The following GCSAML variants were observed in gnomAD, a reference collection of about 807,000 sequenced individuals.
GCSAML encodes the protein germinal center associated signaling and motility like, also known as germinal center-associated signaling and motility-like protein.
A neutral mutation model predicts 13.0 loss-of-function variants in GCSAML; 9 were observed. The observed-to-expected ratio is 0.69, with a 90% CI of 0.42 to 1.21. The LOEUF (loss-of-function observed/expected upper bound fraction) is 1.21. GCSAML is among the 50% of genes most tolerant of loss of function. The pLI is 0.00. For synonymous variants in GCSAML, 37 were observed against 52.9 expected (o/e 0.70, Z 1.31); for missense variants, 143 against 153.4 (o/e 0.93, Z 0.36).
chr1:247,524,243 C>G (rs1666565515), intron 1 of GCSAML, among the ~76,000 whole-genome samples: 1 of 151,568 alleles, frequency 6.6e-6, no homozygotes, highest in Admixed American at 6.6e-5. Context: ...TGAGGGATCT[C>G]TCAGACCTCA....
intron 1 of GCSAML, among the ~76,000 whole-genome samples, chr1:247,553,088 A>C (rs1667834971): frequency 6.6e-6 from 1 of 152,184 alleles, no homozygotes; most frequent in Admixed American, 6.5e-5. Flanking sequence ...CAATCAAAAC[A>C]ATTATTTATA....
At chr1:247,533,775 A>G (rs1667107490) in intron 2 of GCSAML, 1 of 152,198 alleles carries the variant, frequency 6.6e-6, no homozygotes, top group South Asian at 2.1e-4. Flanking sequence ...GTTATGTAAA[A>G]CTATGATCAA....
chr1:247,566,105 T>C, intron 4 of GCSAML, 146 bp downstream of exon 4: 1 of 584,652 alleles, frequency 1.7e-6, no homozygotes, highest in Non-Finnish European at 2.8e-6. Flanking sequence ...TTAGAAATCA[T>C]TCATATTTTA....
At chr1:247,551,442 G>A (rs115967442) in intron 1 of GCSAML, among the ~76,000 whole-genome samples, 283 of 152,322 alleles carry the variant, frequency 1.9e-3, no homozygotes, top group Non-Finnish European at 3.2e-3. Flanking sequence ...GCCTTCAAAG[G>A]CACGTAGAAA....
chr1:247,541,429 G>T (rs974448905), intron 2 of GCSAML, among the ~76,000 whole-genome samples: 1 of 152,078 alleles, frequency 6.6e-6, no homozygotes, highest in Middle Eastern at 3.2e-3. Flanking sequence ...GGTATTTTCC[G>T]CACGGTCTCA....
chr1:247,521,570 C>A (rs996972911), intron 1 of GCSAML, among the ~76,000 whole-genome samples: 3 of 152,166 alleles, frequency 2.0e-5, no homozygotes, highest in Admixed American at 6.5e-5. Flanking sequence ...TTGGTGGAGA[C>A]GGGGTTTCGC....
In GCSAML at chr1:247,531,978, G is replaced by A. The variant is rs267598470; in HGVS notation, c.-148+4924G>A. On this transcript the variant is annotated intron_variant, in intron 2 of 5. Transcript: ENST00000366489. ...GCATAATGAGGGGCATCTCGCAAAA[G>A]AAGTGGTCGATGCAATTGTTCCCAC... The A allele has an allele frequency of 3.7e-6, 6 of 1,614,138 alleles. No homozygotes were observed. The Middle Eastern group carries it at 4.9e-4, about 133-fold the overall frequency.
intron 1 of GCSAML, among the ~76,000 whole-genome samples, chr1:247,553,941 G>A (rs943455559): frequency 2.0e-5 from 3 of 152,194 alleles, no homozygotes; most frequent in Non-Finnish European, 4.4e-5. Context: ...TGATTGTGAT[G>A]TGTGCAATTT....
upstream of GCSAML, chr1:247,549,001 T>C (rs41315846): frequency 0.48 from 711,371 of 1,497,500 alleles, 172,060 homozygotes; most frequent in African/African-American, 0.67. Flanking sequence ...TTTTCCTTTC[T>C]GCCTCCCCTT....
chr1:247,539,578 C>T (rs1350762526), intron 2 of GCSAML, among the ~76,000 whole-genome samples: 3 of 152,006 alleles, frequency 2.0e-5, no homozygotes, highest in Non-Finnish European at 4.4e-5. Context: ...TTAAAATAAA[C>T]TAGAAACAAG....
intron 2 of GCSAML, among the ~76,000 whole-genome samples, chr1:247,557,162 T>G (rs1667984324): frequency 6.6e-6 from 1 of 152,234 alleles, no homozygotes; most frequent in African/African-American, 2.4e-5. Flanking sequence ...GAACTTTGCT[T>G]CTGCACCGCA....
chr1:247,522,168 G>GGGC, intron 1 of GCSAML, among the ~76,000 whole-genome samples: 1 of 151,932 alleles, frequency 6.6e-6, no homozygotes, highest in African/African-American at 2.4e-5. Context: ...GGAAAGTGAG[G>GGGC]AGCGTCTCCG....
chr1:247,520,650 C>T (rs1051397784), intron 1 of GCSAML, among the ~76,000 whole-genome samples: 4 of 152,254 alleles, frequency 2.6e-5, no homozygotes, highest in South Asian at 2.1e-4. Flanking sequence ...AATTTGGATA[C>T]GTTTTTGCCT....
At chr1:247,513,509 C>G (rs1233958902) in intron 1 of GCSAML, among the ~76,000 whole-genome samples, 2 of 152,174 alleles carry the variant, frequency 1.3e-5, no homozygotes, top group African/African-American at 4.8e-5. Flanking sequence ...CTTTCCAGGG[C>G]AGCGGATAGT....
chr1:247,516,258 A>T (rs1666206438), intron 1 of GCSAML, among the ~76,000 whole-genome samples: 1 of 152,182 alleles, frequency 6.6e-6, no homozygotes, highest in South Asian at 2.1e-4. Flanking sequence ...TTATAAGACA[A>T]TTTGTAATAC....
At chr1:247,565,549 A>G (rs184590931) in intron 3 of GCSAML, 28 of 173,030 alleles carry the variant, frequency 1.6e-4, no homozygotes, top group East Asian at 1.1e-3. Context: ...TGATAGTTAC[A>G]TAAAATTTAT....
At chr1:247,536,085 A>G (rs1667206010) in intron 2 of GCSAML, 1 of 150,800 alleles carries the variant, frequency 6.6e-6, no homozygotes, top group Non-Finnish European at 1.5e-5. Flanking sequence ...TGGAATTACC[A>G]GAAAGTCTGA....
chr1:247,565,905 T>TTG, intron 3 of GCSAML, 26 bp from the exon 4 acceptor site: 1 of 161,900 alleles, frequency 6.2e-6, no homozygotes, highest in Non-Finnish European at 1.2e-5. Context: ...CCTTTCTTTC[T>TTG]TTTTTTTTTT....
At position 247,522,188 on chromosome 1, in the gene GCSAML, C is replaced by T. The variant is rs868316192; in HGVS notation, c.-262-4752C>T. Among the ~76,000 whole-genome samples the T allele has an allele frequency of 2.1e-3, 318 of 151,558 alleles. 2 individuals carry two copies. The highest frequency in any genetic ancestry group is 7.0e-3 in the African/African-American group (289 of 41,410). ...GTGAGGAGCGTCTCCGCCCGGCAGCCGCCCTGTCTGGGAGGTGGGGGGCAG... is the reference window on the plus strand; with the variant it reads ...GTGAGGAGCGTCTCCGCCCGGCAGCTGCCCTGTCTGGGAGGTGGGGGGCAG... On this transcript the variant is annotated intron_variant, in intron 1 of 5. Coordinates refer to the GCSAML transcript ENST00000366489.
Sources: gnomAD v4.1 joint callset for allele counts (sites outside exome capture counted in the v4.1 genomes callset) on GRCh38, gnomAD v4.1.1 for gene constraint, MANE v1.5 for transcripts, NCBI Gene and HGNC (gene_info 2026-07-23, HGNC 2026-07-21) for gene names.